The following GFPT1 variants were observed in gnomAD, a reference collection of about 807,000 sequenced individuals.
GFPT1 encodes glutamine--fructose-6-phosphate aminotransferase [isomerizing] 1.
Under a neutral mutation model 92.0 loss-of-function variants are expected in GFPT1, and 40 were observed. That is an observed-to-expected ratio of 0.43 (90% CI 0.34 to 0.57). The LOEUF (loss-of-function observed/expected upper bound fraction) is 0.57. GFPT1 is among the 20% of genes least tolerant of loss of function. The pLI, the probability that GFPT1 is intolerant of heterozygous loss-of-function variation, is 0.02. For missense variants in GFPT1, 448 were observed against 869.1 expected (o/e 0.52, Z 6.09); for synonymous variants, 269 against 280.6 (o/e 0.96, Z 0.41).
chr2:69,345,856 C>A (rs964845505), intron 12 of GFPT1, 48 bp downstream of exon 12: 3 of 1,038,208 alleles, frequency 2.9e-6, no homozygotes, highest in Non-Finnish European at 3.1e-6. Flanking sequence ...AATGGCACCT[C>A]CTACTGTCAG....
At chr2:69,380,087 C>T (rs1469545543) in intron 1 of GFPT1, among the ~76,000 whole-genome samples, 1 of 152,038 alleles carries the variant, frequency 6.6e-6, no homozygotes, top group Admixed American at 6.5e-5. Flanking sequence ...CCTGTAATCC[C>T]AGCAATTTGG....
Position 69,334,158 on chromosome 2 carries a change from AAAT to A in GFPT1, c.1482+3737_1482+3739del, listed in dbSNP as rs369828974. On this transcript the variant is annotated intron_variant, in intron 15 of 19. Coordinates refer to ENST00000357308, the MANE Select transcript of GFPT1 (RefSeq NM_001244710.2). ...GCAACAAGAGCAAAACTCCATCTCAAAATAATAATAATAATAGTAATAATAATC... is the reference window on the plus strand; with the variant it reads ...GCAACAAGAGCAAAACTCCATCTCAAAATAATAATAATAGTAATAATAATC... 1.1e-4 allele frequency among the ~76,000 whole-genome samples: 17 copies of A among 151,950 alleles called. No homozygotes were observed. In the East Asian group the frequency reaches 2.7e-3, roughly 24 times the overall value.
Position 69,363,799 on chromosome 2 carries a change from G to C in GFPT1, c.224-129C>G. 1.5e-5 allele frequency: 11 copies of C among 745,172 alleles called. No individual in the cohort carries two copies. In the South Asian group the frequency reaches 1.8e-4, roughly 12 times the overall value. 46.2% of individuals were successfully genotyped at this position (745,172 alleles called of 1,614,324 possible). ...ATACAATCACTGAAACTAAAGATCA[G>C]GCATATTCAAAATAGTGATTAAAAG... On this transcript the variant is annotated intron_variant, in intron 3 of 19. Coordinates refer to ENST00000357308, the MANE Select transcript of GFPT1 (RefSeq NM_001244710.2).
chr2:69,342,960 C>T (rs1670987794), intron 12 of GFPT1, among the ~76,000 whole-genome samples: 1 of 152,152 alleles, frequency 6.6e-6, no homozygotes, highest in South Asian at 2.1e-4. Flanking sequence ...TCAAACCCAG[C>T]ATCTCTCCCT....
At chr2:69,379,004 G>A (rs1671943854) in intron 1 of GFPT1, among the ~76,000 whole-genome samples, 1 of 152,102 alleles carries the variant, frequency 6.6e-6, no homozygotes, top group South Asian at 2.1e-4. Context: ...TCCCAGCACT[G>A]TGGGAAGAGA....
Position 69,354,531 on chromosome 2 carries a change from G to T in GFPT1, c.643C>A (p.His215Asn). The change falls in exon 8 of 20, where the codon CAT (histidine) becomes AAT (asparagine). Residue 215 changes from histidine to asparagine, a missense_variant. Around this residue, in one of 7 missense-constraint regions of GFPT1, gnomAD observed 118 missense variants for 192.9 expected, o/e 0.61. Transcript: ENST00000357308. The stretch of plus-strand genomic sequence containing the variant: ...GGAATGTGATCAGTAGAAAGTTTAT[G>T]TTCACTCCGTACACCAATCAACAGA... Reference protein sequence around the residue: ...SPLLIGVRSEHKLSTDHIPIL... With the variant: ...SPLLIGVRSENKLSTDHIPIL... 1 of 1,610,738 alleles carries T rather than the reference G, an allele frequency of 6.2e-7. No individual in the cohort carries two copies. Among genetic ancestry groups the T allele is most frequent in the Non-Finnish European group, 8.5e-7 (1 of 1,177,014 alleles).
chr2:69,342,888 T>C (rs1670986003), intron 12 of GFPT1, among the ~76,000 whole-genome samples: 1 of 152,138 alleles, frequency 6.6e-6, no homozygotes, highest in African/African-American at 2.4e-5. Context: ...GTCTTTGCCG[T>C]CCCCATTCCC....
chr2:69,365,091 AGTT>A (rs1671577288), intron 3 of GFPT1, among the ~76,000 whole-genome samples: 1 of 150,730 alleles, frequency 6.6e-6, no homozygotes, highest in Admixed American at 6.6e-5. Context: ...GGACAGCTCC[AGTT>A]ATTAACTAGT....
chr2:69,369,615 G>A (rs948291527), intron 3 of GFPT1, among the ~76,000 whole-genome samples: 2 of 152,166 alleles, frequency 1.3e-5, no homozygotes, highest in Non-Finnish European at 2.9e-5. Flanking sequence ...ATCCAAGCTA[G>A]GCATTTAATC....
At chr2:69,379,182 C>CA (rs1199697842) in intron 1 of GFPT1, among the ~76,000 whole-genome samples, 1 of 152,176 alleles carries the variant, frequency 6.6e-6, no homozygotes, top group Admixed American at 6.5e-5. Context: ...ACCCCTTTCT[C>CA]AGAGATAACT....
rs574718619 is a variant in GFPT1, at chr2:69,359,633, T to C, written c.350-307A>G. On this transcript the variant is annotated intron_variant, in intron 4 of 19. Coordinates refer to ENST00000357308, the MANE Select transcript of GFPT1 (RefSeq NM_001244710.2). ...TAAACTAGTAATCAAATGTTACCCA[T>C]GTGAAAGGAGCAAGTTTATTGGGTC... 2.6e-5 allele frequency among the ~76,000 whole-genome samples: 4 copies of C among 152,294 alleles called. No individual in the cohort carries two copies. The East Asian group carries it at 7.7e-4, about 29-fold the overall frequency.
rs962972741 is a variant in GFPT1, at chr2:69,348,280, T to C, written c.900A>G (p.Ala300=). ...RVIFLEDDDV[A]AVVDGRLSIH... The stretch of plus-strand genomic sequence containing the variant: ...TAGAAAGACGTCCATCCACTACTGC[T>C]GCAACATCATCATCTTCCAGAAAGA... Residue 300 remains alanine (A), a synonymous_variant, in exon 11 of 20, where the codon GCA becomes GCG. Coordinates refer to ENST00000357308, the MANE Select transcript of GFPT1 (RefSeq NM_001244710.2). 6.2e-6 allele frequency: 10 copies of C among 1,613,314 alleles called. No individual in the cohort carries two copies. The highest frequency in any genetic ancestry group is 8.5e-6 in the Non-Finnish European group (10 of 1,179,214).
At chr2:69,353,041 T>C (rs567299541) in intron 9 of GFPT1, among the ~76,000 whole-genome samples, 155 of 151,158 alleles carry the variant, frequency 1.0e-3, no homozygotes, top group African/African-American at 3.6e-3. Flanking sequence ...ACAAGACTGT[T>C]TCAAAAAATA....
chr2:69,378,019 GTTTT>G (rs1365952363), intron 1 of GFPT1, among the ~76,000 whole-genome samples: 3 of 152,012 alleles, frequency 2.0e-5, no homozygotes, highest in Non-Finnish European at 2.9e-5. Context: ...ACAGTTTTTT[GTTTT>G]TTGTTTTTTT....
chr2:69,383,796 T>C (rs1442904005), intron 1 of GFPT1, among the ~76,000 whole-genome samples: 1 of 152,126 alleles, frequency 6.6e-6, no homozygotes. Flanking sequence ...CGGCTAATTT[T>C]TTTGGATTTT....
chr2:69,344,483 A>C (rs1407725499), intron 12 of GFPT1, among the ~76,000 whole-genome samples: 1 of 152,156 alleles, frequency 6.6e-6, no homozygotes, highest in Non-Finnish European at 1.5e-5. Context: ...GATGGAGAGC[A>C]CTTAGAACAA....
chr2:69,326,977 G>A lies in GFPT1; in HGVS notation c.1992C>T (p.Gly664=). 1 of 1,614,152 alleles carries A rather than the reference G, an allele frequency of 6.2e-7. No homozygotes were observed. Among genetic ancestry groups the A allele is most frequent in the Non-Finnish European group, 8.5e-7 (1 of 1,179,976 alleles). The change falls in exon 19 of 20, where the codon GGC becomes GGT. Residue 664 remains glycine (G), a synonymous_variant. Coordinates refer to ENST00000357308, the MANE Select transcript of GFPT1 (RefSeq NM_001244710.2). ...KVPHSVDCLQ[G]ILSVIPLQLL... ...ACTGTAAAGGGATCACGCTGAGAAT[G>A]CCCTGCAAGCAGTCCACTGAGTGGG...
intron 17 of GFPT1, 73 bp downstream of exon 17, chr2:69,329,223 TA>T (rs776617954): frequency 1.2e-5 from 17 of 1,400,322 alleles, no homozygotes; most frequent in Admixed American, 1.7e-5. Flanking sequence ...TTCATTCATT[TA>T]ATGTAAAAGT....
intron 3 of GFPT1, among the ~76,000 whole-genome samples, chr2:69,368,398 T>C (rs1178115731): frequency 1.3e-5 from 2 of 151,684 alleles, no homozygotes; most frequent in Non-Finnish European, 2.9e-5. Context: ...AAATTAGCTG[T>C]GAGTAAAGTA....
Sources: allele counts gnomAD v4.1 joint callset (sites outside exome capture counted in the v4.1 genomes callset), GRCh38; gene constraint gnomAD v4.1.1; regional missense constraint gnomAD v4.1.1; transcripts MANE v1.5; gene names NCBI Gene and HGNC (gene_info 2026-07-23, HGNC 2026-07-21).